ACTR3C: variants seen among roughly 807,000 people sequenced by gnomAD.
ACTR3C encodes the protein actin related protein 3C.
In ACTR3C, 18 loss-of-function variants were observed where a neutral mutation model predicts 26.3. The ratio of observed to expected loss-of-function variants is 0.68; its 90% CI spans 0.47 to 1.01. The LOEUF is 1.01. Among genes scored for constraint, ACTR3C ranks in the 50% least tolerant of loss-of-function variants. The pLI, the probability that ACTR3C is intolerant of heterozygous loss-of-function variation, is 0.00. For synonymous variants in ACTR3C, 55 were observed against 94.5 expected (o/e 0.58, Z 2.42); for missense variants, 184 against 250.7 (o/e 0.73, Z 1.80).
chr7:149,917,350 C>T, the ACTR3C span, among the ~76,000 whole-genome samples: 1 of 152,202 alleles, frequency 6.6e-6, no homozygotes, highest in Non-Finnish European at 1.5e-5. Context: ...GCTGGGATTA[C>T]AGGCTGAGCT....
chr7:150,002,484 T>C, the ACTR3C span: 3 of 152,356 alleles, frequency 2.0e-5, no homozygotes, highest in African/African-American at 7.2e-5. Flanking sequence ...GGTGCTAACT[T>C]TCCCTTGAAC....
At chr7:150,315,251 T>C (rs1256250796) in intron 1 of ACTR3C, among the ~76,000 whole-genome samples, 1 of 151,878 alleles carries the variant, frequency 6.6e-6, no homozygotes, top group Non-Finnish European at 1.5e-5. Flanking sequence ...TACATTAAAA[T>C]CGAAATTCAT....
chr7:150,194,174 A>T, the ACTR3C span, among the ~76,000 whole-genome samples: 1 of 148,960 alleles, frequency 6.7e-6, no homozygotes. Flanking sequence ...TCCCTGGAGA[A>T]ATTCCTCCTT....
the ACTR3C span, among the ~76,000 whole-genome samples, chr7:150,040,132 G>A: frequency 6.1e-4 from 90 of 148,048 alleles, 6 homozygotes; most frequent in Admixed American, 3.1e-3. Flanking sequence ...ATCACAAAAT[G>A]GGGGGCCTTT....
chr7:150,293,320 T>C lies in ACTR3C; in HGVS notation c.145A>G (p.Ile49Val). The C allele has an allele frequency of 1.9e-6, 3 of 1,585,298 alleles. No individual in the cohort carries two copies. The highest frequency in any genetic ancestry group is 2.7e-5 in the African/African-American group (2 of 74,586). The change falls in exon 3 of 8, where the codon ATC becomes GTC. Residue 49 changes from isoleucine (I) to valine (V), a missense_variant. Transcript: ENST00000683684. ...IDSGDGVTHV[I>V]PVAEGYVIGS... ...TTAACTATTCTGCTTACCACTGGGA[T>C]AACATGGGTGACTCCATCTCCGCTG...
the ACTR3C span, among the ~76,000 whole-genome samples, chr7:149,955,768 TGAGA>T: frequency 6.6e-6 from 1 of 152,194 alleles, no homozygotes; most frequent in Admixed American, 6.5e-5. Context: ...CCTCCAAACG[TGAGA>T]GCTTATCTCT....
the ACTR3C span, among the ~76,000 whole-genome samples, chr7:150,159,181 G>GAA: frequency 6.6e-6 from 1 of 151,902 alleles, no homozygotes; most frequent in Non-Finnish European, 1.5e-5. Context: ...AACAAAGCTG[G>GAA]AAAAAAATAT....
chr7:150,299,410 T>C (rs1374977745), intron 1 of ACTR3C, among the ~76,000 whole-genome samples: 1 of 132,880 alleles, frequency 7.5e-6, no homozygotes, highest in Admixed American at 8.9e-5. Context: ...GCTGTATGAC[T>C]GCACCTGTGA....
the ACTR3C span, among the ~76,000 whole-genome samples, chr7:150,123,842 C>T: frequency 6.6e-6 from 1 of 152,200 alleles, no homozygotes; most frequent in Non-Finnish European, 1.5e-5. Flanking sequence ...GCAGAGGGTG[C>T]TATCCCCTGA....
At chr7:150,074,151 T>C in the ACTR3C span, 2 of 152,220 alleles carry the variant, frequency 1.3e-5, no homozygotes, top group Admixed American at 1.3e-4. Flanking sequence ...TTGAGCTACA[T>C]GTTCTAGAAA....
At chr7:150,300,292 C>T (rs1490519817) in intron 1 of ACTR3C, among the ~76,000 whole-genome samples, 4 of 151,984 alleles carry the variant, frequency 2.6e-5, no homozygotes, top group East Asian at 1.9e-4. Context: ...GCGGAGGTTG[C>T]GGTGAGCTGA....
the ACTR3C span, among the ~76,000 whole-genome samples, chr7:150,163,519 G>A: frequency 7.3e-5 from 11 of 151,440 alleles, no homozygotes; most frequent in Admixed American, 2.0e-4. Context: ...TTTACATATT[G>A]TATATCTAAG....
At chr7:150,131,118 T>C in the ACTR3C span, among the ~76,000 whole-genome samples, 1 of 152,184 alleles carries the variant, frequency 6.6e-6, no homozygotes, top group East Asian at 1.9e-4. Flanking sequence ...AGAATGTGAA[T>C]GAATGCATAC....
At chr7:150,024,398 T>A in the ACTR3C span, among the ~76,000 whole-genome samples, 1 of 151,552 alleles carries the variant, frequency 6.6e-6, no homozygotes, top group Admixed American at 6.6e-5. Flanking sequence ...TGCGTGAGCG[T>A]GTGGGTCCCC....
chr7:150,209,834 A>G, the ACTR3C span, among the ~76,000 whole-genome samples: 105,182 of 149,414 alleles, frequency 0.7, 38,421 homozygotes, highest in African/African-American at 0.92. Context: ...TTTCAGGATC[A>G]CTTGAGCCCA....
At chr7:150,223,987 C>T in the ACTR3C span, among the ~76,000 whole-genome samples, 1 of 152,192 alleles carries the variant, frequency 6.6e-6, no homozygotes, top group South Asian at 2.1e-4. Context: ...TCTTTGTTGC[C>T]ACTGGTCAGA....
At chr7:150,015,823 GA>G in the ACTR3C span, among the ~76,000 whole-genome samples, 1 of 152,350 alleles carries the variant, frequency 6.6e-6, no homozygotes, top group Admixed American at 6.5e-5. Context: ...GGGAGCAGAG[GA>G]AAGGGTGACT....
intron 6 of ACTR3C, among the ~76,000 whole-genome samples, chr7:150,275,322 G>A (rs1834784563): frequency 6.6e-6 from 1 of 152,194 alleles, no homozygotes; most frequent in Admixed American, 6.5e-5. Flanking sequence ...ACATAATGCT[G>A]TTAATACATA....
the ACTR3C span, among the ~76,000 whole-genome samples, chr7:150,087,182 TAAAAAAA>T: frequency 7.0e-5 from 9 of 129,408 alleles, no homozygotes; most frequent in Non-Finnish European, 8.1e-5. Flanking sequence ...TGAATTTGTT[TAAAAAAA>T]AAAAAAAAAA....
Sources: gnomAD v4.1 joint callset for allele counts (sites outside exome capture counted in the v4.1 genomes callset) on GRCh38, gnomAD v4.1.1 for gene constraint, MANE v1.5 for transcripts, NCBI Gene and HGNC (gene_info 2026-07-23, HGNC 2026-07-21) for gene names.